WWC2: variants seen among roughly 807,000 people sequenced by gnomAD.
WWC2 encodes the protein WW and C2 domain containing 2, also known as protein WWC2.
Under a neutral mutation model 138.5 loss-of-function variants are expected in WWC2, and 101 were observed. The ratio of observed to expected loss-of-function variants is 0.73; its 90% confidence interval spans 0.62 to 0.86. The LOEUF is 0.86. WWC2 is among the 40% of genes least tolerant of loss of function. The pLI is 0.00. For missense variants in WWC2, 1,420 were observed against 1,419.4 expected (o/e 1.00, Z -0.01); for synonymous variants, 558 against 538.4 (o/e 1.04, Z -0.50).
chr4:183,197,379 C>G (rs1047511515), intron 2 of WWC2, among the ~76,000 whole-genome samples: 2 of 152,208 alleles, frequency 1.3e-5, no homozygotes, highest in African/African-American at 4.8e-5. Flanking sequence ...TCTCAAACAG[C>G]TGTTCCACAC....
chr4:183,245,494 T>C lies in WWC2; in HGVS notation c.681T>C (p.Ser227=). The change falls in exon 6 of 23, where the codon TCT becomes TCC. Residue 227 remains serine, a synonymous_variant. Transcript: ENST00000403733. ...AAGCCATTCTAACAGAACTAAAATC[T>C]ATCAGAAAGGCAATTAGCTCAGGAG... ...EAKAILTELK[S]IRKAISSGEK... The C allele has an allele frequency of 1.2e-6, 2 of 1,608,670 alleles. No individual in the cohort carries two copies. Among genetic ancestry groups the C allele is most frequent in the Non-Finnish European group, 1.7e-6 (2 of 1,177,758 alleles).
intron 1 of WWC2, among the ~76,000 whole-genome samples, chr4:183,159,036 T>C (rs1157142231): frequency 2.0e-5 from 3 of 152,234 alleles, no homozygotes; most frequent in Non-Finnish European, 4.4e-5. Context: ...AGCTTGGTTC[T>C]GCTGGGTGCA....
At chr4:183,259,487 C>G (rs924590207) in intron 9 of WWC2, among the ~76,000 whole-genome samples, 152 bp from the exon 10 acceptor site, 3 of 152,218 alleles carry the variant, frequency 2.0e-5, no homozygotes, top group African/African-American at 7.2e-5. Context: ...CTCTGCCCCC[C>G]ACACTTCTTG....
intron 1 of WWC2, among the ~76,000 whole-genome samples, chr4:183,179,276 A>G (rs1734554108): frequency 6.6e-6 from 1 of 152,180 alleles, no homozygotes; most frequent in South Asian, 2.1e-4. Context: ...CTGGTGGTCA[A>G]AGAGACTTAG....
chr4:183,193,940 C>T (rs1254654177), intron 2 of WWC2, among the ~76,000 whole-genome samples: 2 of 152,180 alleles, frequency 1.3e-5, no homozygotes, highest in Non-Finnish European at 2.9e-5. Context: ...GCCTGCCTGC[C>T]TGCCTGCTGG....
At chr4:183,122,234 A>G (rs1732626966) in intron 1 of WWC2, among the ~76,000 whole-genome samples, 1 of 152,212 alleles carries the variant, frequency 6.6e-6, no homozygotes, top group Non-Finnish European at 1.5e-5. Context: ...TATTTAATAA[A>G]TGGTGCTGGT....
chr4:183,207,859 A>T (rs970537318), intron 2 of WWC2, 94 bp from the exon 3 acceptor site: 4 of 1,184,960 alleles, frequency 3.4e-6, no homozygotes, highest in Non-Finnish European at 4.7e-6. Flanking sequence ...TCCTTAGAGG[A>T]TACAAGAACT....
intron 1 of WWC2, among the ~76,000 whole-genome samples, chr4:183,180,065 G>A (rs1000069891): frequency 6.6e-6 from 1 of 152,168 alleles, no homozygotes; most frequent in Admixed American, 6.5e-5. Flanking sequence ...TTTTAAGGAC[G>A]TTGAATCTTA....
intron 1 of WWC2, among the ~76,000 whole-genome samples, chr4:183,180,010 G>A (rs146046244): frequency 6.6e-6 from 1 of 152,198 alleles, no homozygotes. Context: ...TGACAGCTTT[G>A]GGAAAACATG....
chr4:183,246,371 T>A (rs1398687796), intron 6 of WWC2, among the ~76,000 whole-genome samples: 2 of 152,194 alleles, frequency 1.3e-5, no homozygotes, highest in African/African-American at 2.4e-5. Flanking sequence ...ACTGATGATG[T>A]TTACATTCTC....
chr4:183,182,990 T>C (rs909665450), intron 1 of WWC2, among the ~76,000 whole-genome samples: 28 of 152,282 alleles, frequency 1.8e-4, no homozygotes, highest in African/African-American at 6.7e-4. Context: ...GTCGACTGTG[T>C]ATGAGGTAGG....
At chr4:183,259,128 A>G (rs1737242091) in intron 9 of WWC2, among the ~76,000 whole-genome samples, 1 of 152,162 alleles carries the variant, frequency 6.6e-6, no homozygotes, top group Non-Finnish European at 1.5e-5. Flanking sequence ...ATTGTGGACT[A>G]AAATTGTTTC....
Position 183,248,608 on chromosome 4 carries a change from G to GT in WWC2, c.733-99dup, listed in dbSNP as rs767055327. 197 of 1,204,284 alleles carry GT rather than the reference G, an allele frequency of 1.6e-4. 1 individual carries two copies. The highest frequency in any genetic ancestry group is 2.1e-4 in the Non-Finnish European group (185 of 901,102). 74.6% of individuals were successfully genotyped at this position (1,204,284 alleles called of 1,614,324 possible). A position where few individuals can be genotyped will look rare whatever the true frequency, so the allele number is the denominator to read the frequency against. On this transcript the variant is annotated intron_variant, in intron 6 of 22. Coordinates refer to ENST00000403733, the MANE Select transcript of WWC2 (RefSeq NM_024949.6). ...GGTAAGTACCTACTAAAATAAAGTT[G>GT]TTTTTTTCCATTGAGATTAGCTCTT... is the stretch of plus-strand genomic sequence containing the variant.
At chr4:183,201,021 G>A (rs1349218214) in intron 2 of WWC2, among the ~76,000 whole-genome samples, 3 of 152,156 alleles carry the variant, frequency 2.0e-5, no homozygotes, top group African/African-American at 7.2e-5. Context: ...TGTACTTTGA[G>A]GCAGGTTGCA....
chr4:183,272,890 A>G (rs1392034758), intron 16 of WWC2, among the ~76,000 whole-genome samples: 1 of 152,200 alleles, frequency 6.6e-6, no homozygotes, highest in African/African-American at 2.4e-5. Context: ...TTTGGCTATT[A>G]TGAAAAATGC....
At chr4:183,211,275 T>A (rs1009867822) in intron 4 of WWC2, among the ~76,000 whole-genome samples, 2 of 152,160 alleles carry the variant, frequency 1.3e-5, no homozygotes, top group Admixed American at 6.5e-5. Flanking sequence ...TGCCAGATGT[T>A]CAAGACCAGC....
At chr4:183,221,442 ACACAC>A (rs1417143227) in intron 4 of WWC2, among the ~76,000 whole-genome samples, 7 of 152,252 alleles carry the variant, frequency 4.6e-5, no homozygotes, top group African/African-American at 1.7e-4. Context: ...ATAAAATAGA[ACACAC>A]CATTTAAAAA....
chr4:183,293,078 G>C (rs1256605303), intron 21 of WWC2, among the ~76,000 whole-genome samples: 1 of 152,152 alleles, frequency 6.6e-6, no homozygotes, highest in Non-Finnish European at 1.5e-5. Context: ...GCCTCAGCTG[G>C]AGAGTAGCTG....
chr4:183,110,026 G>C (rs1050377821), intron 1 of WWC2, among the ~76,000 whole-genome samples: 2 of 152,196 alleles, frequency 1.3e-5, no homozygotes, highest in Non-Finnish European at 2.9e-5. Context: ...TATACCTCAT[G>C]ATTATTTTGA....
Sources: allele counts gnomAD v4.1 joint callset (sites outside exome capture counted in the v4.1 genomes callset), GRCh38; gene constraint gnomAD v4.1.1; transcripts MANE v1.5; gene names NCBI Gene and HGNC (gene_info 2026-07-23, HGNC 2026-07-21).